HS6ST3: variants seen among roughly 807,000 people sequenced by gnomAD.
HS6ST3 encodes the protein heparan sulfate 6-O-sulfotransferase 3.
HS6ST3 carries 12 observed loss-of-function variants against 36.7 expected under a neutral mutation model. The observed-to-expected ratio is 0.33, with a 90% CI of 0.21 to 0.53. The LOEUF (loss-of-function observed/expected upper bound fraction) is 0.53, where lower values mean the gene tolerates loss of function less well. HS6ST3 is among the 20% of genes least tolerant of loss of function. The pLI is 0.95. For synonymous variants in HS6ST3, 240 were observed against 257.5 expected, an observed-to-expected ratio of 0.93 and a Z score of 0.65; for missense variants, 584 against 640.9, an observed-to-expected ratio of 0.91 and a Z score of 0.96.
chr13:96,824,736 A>T (rs1566462745), intron 1 of HS6ST3, among the ~76,000 whole-genome samples: 1 of 152,234 alleles, frequency 6.6e-6, no homozygotes, highest in Non-Finnish European at 1.5e-5. Flanking sequence ...ACATCAGCTT[A>T]TGTTTAAGAT....
intron 1 of HS6ST3, among the ~76,000 whole-genome samples, chr13:96,566,945 C>T (rs2056283501): frequency 6.6e-6 from 1 of 151,968 alleles, no homozygotes; most frequent in African/African-American, 2.4e-5. Context: ...CAGAAAAAAA[C>T]AGGAATTTCT....
chr13:96,200,214 A>G (rs550222800), intron 1 of HS6ST3, among the ~76,000 whole-genome samples: 2 of 152,238 alleles, frequency 1.3e-5, no homozygotes, highest in South Asian at 2.1e-4. Flanking sequence ...CTAATAGTCA[A>G]CTCTGCAATG....
intron 1 of HS6ST3, among the ~76,000 whole-genome samples, chr13:96,432,036 C>T (rs570389342): frequency 6.6e-6 from 1 of 152,308 alleles, no homozygotes; most frequent in African/African-American, 2.4e-5. Flanking sequence ...GTTCAAATCT[C>T]TCCAACCAGA....
chr13:96,193,750 T>C lies in HS6ST3; in HGVS notation c.707+102181T>C, dbSNP rs117539100. ...GGCAGTTGCTTTGATAATATTTGAATGTACATTGCATAAACGTGCAGGGCA... is the reference window on the plus strand; with the variant it reads ...GGCAGTTGCTTTGATAATATTTGAACGTACATTGCATAAACGTGCAGGGCA... On this transcript the variant is annotated intron_variant, in intron 1 of 1. Coordinates refer to ENST00000376705, the MANE Select transcript of HS6ST3 (RefSeq NM_153456.4). Among the ~76,000 whole-genome samples, 190 of 152,340 alleles carry C rather than the reference T, an allele frequency of 1.2e-3. 6 individuals carry two copies. In the East Asian group the frequency reaches 0.035, roughly 28 times the overall value.
chr13:96,482,956 A>G (rs2055896745), intron 1 of HS6ST3, among the ~76,000 whole-genome samples: 1 of 152,210 alleles, frequency 6.6e-6, no homozygotes, highest in East Asian at 1.9e-4. Flanking sequence ...GTAGTTCTTA[A>G]TCCACCAGCT....
At chr13:96,217,979 T>C (rs1450785609) in intron 1 of HS6ST3, among the ~76,000 whole-genome samples, 1 of 152,210 alleles carries the variant, frequency 6.6e-6, no homozygotes, top group Non-Finnish European at 1.5e-5. Flanking sequence ...AGTAGGTGTT[T>C]AATAAGTATT....
At chr13:96,121,224 G>T (rs780786857) in intron 1 of HS6ST3, among the ~76,000 whole-genome samples, 1 of 152,138 alleles carries the variant, frequency 6.6e-6, no homozygotes, top group African/African-American at 2.4e-5. Flanking sequence ...CTGAGTTACT[G>T]ATTTACTAAT....
rs999512309 is a variant in HS6ST3, at chr13:96,207,397, C to T, written c.707+115828C>T. Among the ~76,000 whole-genome samples the T allele has an allele frequency of 3.3e-5, 5 of 151,826 alleles. No homozygotes were observed. The South Asian group carries it at 8.3e-4, about 25-fold the overall frequency. ...TTGTTGGTGGGAGTGTAAATTAGTT[C>T]AACCATTGTGGAAGACAGCGTGCAG... On this transcript the variant is annotated intron_variant, in intron 1 of 1. Coordinates refer to ENST00000376705, the MANE Select transcript of HS6ST3 (RefSeq NM_153456.4).
chr13:96,701,240 C>T (rs181942412), intron 1 of HS6ST3, among the ~76,000 whole-genome samples: 3 of 152,224 alleles, frequency 2.0e-5, no homozygotes, highest in African/African-American at 7.2e-5. Flanking sequence ...GATTAAAACC[C>T]GCCTTTCACT....
intron 1 of HS6ST3, among the ~76,000 whole-genome samples, chr13:96,333,684 T>C (rs2055084583): frequency 1.3e-5 from 2 of 152,154 alleles, no homozygotes; most frequent in East Asian, 3.9e-4. Flanking sequence ...ACAAATTCTG[T>C]AAGATGTGGA....
intron 1 of HS6ST3, among the ~76,000 whole-genome samples, chr13:96,609,138 T>C (rs1287797260): frequency 6.6e-6 from 1 of 151,700 alleles, no homozygotes; most frequent in Non-Finnish European, 1.5e-5. Context: ...CCCAGCTAAT[T>C]TTTTTGTATT....
At chr13:96,550,392 T>C (rs556229700) in intron 1 of HS6ST3, among the ~76,000 whole-genome samples, 17 of 152,306 alleles carry the variant, frequency 1.1e-4, no homozygotes, top group Admixed American at 9.2e-4. Flanking sequence ...CACCAGAGGC[T>C]GAGCAGATGC....
chr13:96,818,674 T>G (rs923850477), intron 1 of HS6ST3, among the ~76,000 whole-genome samples: 20 of 152,238 alleles, frequency 1.3e-4, no homozygotes, highest in African/African-American at 4.1e-4. Context: ...TTACAACACT[T>G]GGTTGGGAGT....
intron 1 of HS6ST3, among the ~76,000 whole-genome samples, chr13:96,809,179 C>T (rs911374386): frequency 2.6e-5 from 4 of 152,054 alleles, no homozygotes; most frequent in Non-Finnish European, 5.9e-5. Flanking sequence ...TTCTTGTTAG[C>T]CCTGTAATAA....
At chr13:96,599,603 C>G (rs1332163048) in intron 1 of HS6ST3, among the ~76,000 whole-genome samples, 1 of 150,594 alleles carries the variant, frequency 6.6e-6, no homozygotes, top group Non-Finnish European at 1.5e-5. Flanking sequence ...TTTCATTGGT[C>G]CTTTGTATTT....
intron 1 of HS6ST3, among the ~76,000 whole-genome samples, chr13:96,602,347 C>T (rs941605999): frequency 2.0e-5 from 3 of 152,082 alleles, no homozygotes; most frequent in Non-Finnish European, 4.4e-5. Flanking sequence ...CCTGATTGTT[C>T]TTGATCTTTT....
intron 1 of HS6ST3, among the ~76,000 whole-genome samples, chr13:96,389,090 T>G (rs1211030307): frequency 6.6e-6 from 1 of 152,282 alleles, no homozygotes; most frequent in Admixed American, 6.5e-5. Context: ...AATGTAGAGA[T>G]AGAAAATTAA....
At chr13:96,669,357 C>A (rs992044122) in intron 1 of HS6ST3, among the ~76,000 whole-genome samples, 3 of 152,038 alleles carry the variant, frequency 2.0e-5, no homozygotes, top group Non-Finnish European at 4.4e-5. Context: ...TAACTGGATC[C>A]TTCCTTCTCC....
At chr13:96,235,428 C>T (rs1052167688) in intron 1 of HS6ST3, among the ~76,000 whole-genome samples, 3 of 152,154 alleles carry the variant, frequency 2.0e-5, no homozygotes, top group Admixed American at 6.5e-5. Flanking sequence ...TTTATCAAAG[C>T]GGAATGCAGG....
Sources: allele counts gnomAD v4.1 joint callset (sites outside exome capture counted in the v4.1 genomes callset), GRCh38; gene constraint gnomAD v4.1.1; transcripts MANE v1.5; gene names NCBI Gene and HGNC (gene_info 2026-07-23, HGNC 2026-07-21).